The following CCDC171 variants were observed in gnomAD, a reference collection of about 807,000 sequenced individuals.
The protein encoded by CCDC171 is coiled-coil domain-containing protein 171.
In CCDC171, 177 loss-of-function variants were observed where a neutral mutation model predicts 168.2. The ratio of observed to expected loss-of-function variants is 1.05; its 90% confidence interval spans 0.93 to 1.19. The LOEUF (loss-of-function observed/expected upper bound fraction) is 1.19, where lower values mean the gene tolerates loss of function less well. CCDC171 is among the 50% of genes most tolerant of loss of function. The pLI, the probability that CCDC171 is intolerant of heterozygous loss-of-function variation, is 0.00. For missense variants in CCDC171, 1,991 were observed against 1,539.0 expected (o/e 1.29, Z -4.91); for synonymous variants, 687 against 540.8 (o/e 1.27, Z -3.75).
At chr9:15,637,742 A>T (rs920906645) in intron 7 of CCDC171, among the ~76,000 whole-genome samples, 1 of 151,408 alleles carries the variant, frequency 6.6e-6, no homozygotes, top group African/African-American at 2.4e-5. Flanking sequence ...TCCTTGCGAT[A>T]GTTTACTGAG....
intron 16 of CCDC171, among the ~76,000 whole-genome samples, chr9:15,731,516 C>T (rs543541263): frequency 1.3e-5 from 2 of 152,076 alleles, no homozygotes; most frequent in Non-Finnish European, 2.9e-5. Flanking sequence ...ATGTCATTTA[C>T]GTTGTTGTGT....
intron 1 of CCDC171, among the ~76,000 whole-genome samples, chr9:16,050,352 T>C (rs1218574867): frequency 6.6e-6 from 1 of 152,248 alleles, no homozygotes; most frequent in Non-Finnish European, 1.5e-5. Flanking sequence ...TAATCCAGTT[T>C]GTGAATGGAC....
chr9:15,623,475 G>GCGCGCGCGCGCGCACACACACACA lies in CCDC171; in HGVS notation c.822+63_822+64insGCGCGCGCGCGCACACACACACAC. 274 of 315,416 alleles carry GCGCGCGCGCGCGCACACACACACA rather than the reference G, an allele frequency of 8.7e-4. 3 individuals are homozygous for GCGCGCGCGCGCGCACACACACACA. The highest frequency in any genetic ancestry group is 3.3e-3 in the Admixed American group (66 of 19,756). 19.5% of individuals were successfully genotyped at this position (315,416 alleles called of 1,614,324 possible). On this transcript the variant is annotated intron_variant, in intron 7 of 25. Coordinates refer to ENST00000380701, the MANE Select transcript of CCDC171 (RefSeq NM_173550.4). ...CAAACTTTCACATATGCGCGCGCGC[G>GCGCGCGCGCGCGCACACACACACA]CACACACACACACACACACACACAC... is the stretch of plus-strand genomic sequence containing the variant.
At chr9:16,026,560 G>A (rs1833278794) in intron 6 of CCDC171, among the ~76,000 whole-genome samples, 1 of 152,072 alleles carries the variant, frequency 6.6e-6, no homozygotes, top group South Asian at 2.1e-4. Context: ...CCTCAATACG[G>A]AACTTGTGAA....
intron 21 of CCDC171, among the ~76,000 whole-genome samples, chr9:15,816,539 C>T (rs74825020): frequency 0.069 from 8,082 of 116,318 alleles, 2,499 homozygotes; most frequent in African/African-American, 0.19. Context: ...ATAGACTATA[C>T]GTATGCAAAA....
At chr9:15,924,365 A>G (rs909742592) in intron 25 of CCDC171, among the ~76,000 whole-genome samples, 11 of 150,778 alleles carry the variant, frequency 7.3e-5, no homozygotes, top group Admixed American at 6.7e-5. Flanking sequence ...GGTTAATGAT[A>G]TTGCTACCTA....
intron 24 of CCDC171, among the ~76,000 whole-genome samples, chr9:15,896,681 C>T (rs1430124670): frequency 1.3e-5 from 2 of 152,034 alleles, no homozygotes; most frequent in African/African-American, 2.4e-5. Flanking sequence ...TCAATGTCAC[C>T]ATTATCACTA....
intron 3 of CCDC171, among the ~76,000 whole-genome samples, chr9:16,002,202 A>T (rs1832568811): frequency 6.7e-6 from 1 of 148,332 alleles, no homozygotes; most frequent in South Asian, 2.1e-4. Context: ...TTTTAAAAAA[A>T]GTTAACTGTA....
intron 6 of CCDC171, among the ~76,000 whole-genome samples, chr9:15,605,503 C>T (rs1164548658): frequency 7.1e-6 from 1 of 141,432 alleles, no homozygotes; most frequent in Non-Finnish European, 1.5e-5. Context: ...CACTGTGAAA[C>T]CCTGTCTCTA....
At chr9:15,624,076 G>C (rs1002098320) in intron 7 of CCDC171, among the ~76,000 whole-genome samples, 2 of 152,074 alleles carry the variant, frequency 1.3e-5, no homozygotes, top group Non-Finnish European at 2.9e-5. Flanking sequence ...TACTTATGAA[G>C]AGTATTTAAT....
At chr9:15,872,297 A>G (rs1221597494) in intron 23 of CCDC171, among the ~76,000 whole-genome samples, 1 of 152,048 alleles carries the variant, frequency 6.6e-6, no homozygotes, top group African/African-American at 2.4e-5. Context: ...AAATATTGAA[A>G]TGACAATAAA....
chr9:15,981,129 G>A (rs927479120), intron 3 of CCDC171, among the ~76,000 whole-genome samples: 1 of 152,070 alleles, frequency 6.6e-6, no homozygotes, highest in African/African-American at 2.4e-5. Flanking sequence ...ACAACACATG[G>A]GAATTCAAGA....
At chr9:15,993,794 C>T (rs527727779) in intron 3 of CCDC171, among the ~76,000 whole-genome samples, 4 of 152,218 alleles carry the variant, frequency 2.6e-5, no homozygotes, top group Admixed American at 2.0e-4. Context: ...TGAACAGACA[C>T]TTCTCAAAAG....
chr9:15,928,561 T>G (rs1187219325), intron 25 of CCDC171, among the ~76,000 whole-genome samples: 1 of 151,770 alleles, frequency 6.6e-6, no homozygotes, highest in African/African-American at 2.4e-5. Flanking sequence ...TTGCTTTATT[T>G]TCCTTACCCA....
At chr9:15,691,076 A>G (rs1407976298) in intron 10 of CCDC171, among the ~76,000 whole-genome samples, 1 of 152,182 alleles carries the variant, frequency 6.6e-6, no homozygotes, top group African/African-American at 2.4e-5. Context: ...CATTAAATCT[A>G]TTTCTAGGAA....
chr9:15,938,166 A>G (rs1393931721), intron 25 of CCDC171, among the ~76,000 whole-genome samples: 4 of 151,852 alleles, frequency 2.6e-5, no homozygotes, highest in Non-Finnish European at 4.4e-5. Flanking sequence ...CAGATGAGGA[A>G]TCTCAGTCCC....
At chr9:15,650,720 GT>G (rs2047447087) in intron 7 of CCDC171, among the ~76,000 whole-genome samples, 2 of 151,740 alleles carry the variant, frequency 1.3e-5, no homozygotes, top group Admixed American at 1.3e-4. Context: ...TTGTCTTTTA[GT>G]TTTAATTTTG....
chr9:15,880,815 A>T (rs892501874), intron 24 of CCDC171, among the ~76,000 whole-genome samples: 1 of 151,996 alleles, frequency 6.6e-6, no homozygotes, highest in Non-Finnish European at 1.5e-5. Flanking sequence ...ATATTAAATA[A>T]TTTTTTAATT....
At chr9:15,562,131 A>G (rs1335850393) in intron 1 of CCDC171, among the ~76,000 whole-genome samples, 1 of 151,778 alleles carries the variant, frequency 6.6e-6, no homozygotes, top group East Asian at 1.9e-4. Flanking sequence ...AGTAGCTGGG[A>G]TTATAGGCGC....
Sources: gnomAD v4.1 joint callset for allele counts (sites outside exome capture counted in the v4.1 genomes callset) on GRCh38, gnomAD v4.1.1 for gene constraint, MANE v1.5 for transcripts, NCBI Gene and HGNC (gene_info 2026-07-23, HGNC 2026-07-21) for gene names.